The following PLPPR1 variants were observed in gnomAD, a reference collection of about 807,000 sequenced individuals.
PLPPR1 encodes the protein phospholipid phosphatase related 1.
Under a neutral mutation model 33.1 loss-of-function variants are expected in PLPPR1, and 10 were observed. The ratio of observed to expected loss-of-function variants is 0.30; its 90% CI spans 0.19 to 0.51. PLPPR1 has a LOEUF of 0.51. Among genes scored for constraint, PLPPR1 ranks in the 20% least tolerant of loss-of-function variants. PLPPR1 has a pLI of 0.97. For synonymous variants in PLPPR1, 151 were observed against 151.0 expected (o/e 1.00, Z 0.00); for missense variants, 304 against 408.1 (o/e 0.74, Z 2.20).
intron 1 of PLPPR1, among the ~76,000 whole-genome samples, chr9:101,049,841 A>G (rs907582621): frequency 1.3e-5 from 2 of 151,884 alleles, no homozygotes; most frequent in African/African-American, 4.8e-5. Context: ...AAAAAAAAGT[A>G]TAGGCCATGC....
At chr9:101,194,012 G>A (rs1257493652) in intron 2 of PLPPR1, among the ~76,000 whole-genome samples, 2 of 152,154 alleles carry the variant, frequency 1.3e-5, no homozygotes, top group African/African-American at 4.8e-5. Context: ...CCTCCTTTAA[G>A]AGCTTAAAGA....
chr9:101,254,053 A>G (rs1176611820), intron 2 of PLPPR1, among the ~76,000 whole-genome samples: 1 of 152,068 alleles, frequency 6.6e-6, no homozygotes, highest in East Asian at 1.9e-4. Context: ...GCAGTCCCCA[A>G]CATTTTTGGC....
intron 2 of PLPPR1, among the ~76,000 whole-genome samples, chr9:101,235,779 C>G (rs931636333): frequency 6.6e-6 from 1 of 151,780 alleles, no homozygotes; most frequent in African/African-American, 2.4e-5. Flanking sequence ...CACCAGCTTC[C>G]TCTGAAAAAG....
chr9:101,181,587 A>G (rs548765687), intron 1 of PLPPR1, among the ~76,000 whole-genome samples: 26 of 149,836 alleles, frequency 1.7e-4, no homozygotes, highest in African/African-American at 6.4e-4. Context: ...CAATGAATGG[A>G]TAAAGAAATT....
chr9:101,069,622 G>A lies in PLPPR1; in HGVS notation c.-46+40520G>A, dbSNP rs75427417. Among the ~76,000 whole-genome samples the A allele has an allele frequency of 0.016, 2,394 of 152,230 alleles. 133 individuals carry two copies. The South Asian group carries it at 0.19, about 12-fold the overall frequency. The stretch of plus-strand genomic sequence containing the variant: ...CACTCTCAGAATTTTGGATTTGACT[G>A]ATCTGGGTGGAGTATTGTTGGTGGG... On this transcript the variant is annotated intron_variant, in intron 1 of 7. Transcript: ENST00000374874.
intron 4 of PLPPR1, among the ~76,000 whole-genome samples, chr9:101,301,838 T>C (rs1828758951): frequency 2.0e-5 from 3 of 152,214 alleles, no homozygotes; most frequent in African/African-American, 7.2e-5. Flanking sequence ...TTTTGGAAAA[T>C]TGACTACAAA....
chr9:101,249,948 C>T (rs924672504), intron 2 of PLPPR1, among the ~76,000 whole-genome samples: 7 of 152,014 alleles, frequency 4.6e-5, no homozygotes, highest in East Asian at 1.9e-4. Flanking sequence ...TCTACATTGT[C>T]GTCCACACCC....
chr9:101,029,511 C>A (rs1587998943), intron 1 of PLPPR1, among the ~76,000 whole-genome samples: 1 of 152,190 alleles, frequency 6.6e-6, no homozygotes, highest in African/African-American at 2.4e-5. Context: ...CCAAGTCCTC[C>A]CACCCGGGCG....
In PLPPR1 at chr9:101,314,764, AT is replaced by A. The variant is rs202233526; in HGVS notation, c.813+1791del. The stretch of plus-strand genomic sequence containing the variant: ...AAGCTTCAATTTAAAAAAAAAAAAA[AT>A]ATCTGCAACATGCAATAAAGTGAAG... On this transcript the variant is annotated intron_variant, in intron 6 of 7. Coordinates refer to ENST00000374874, the MANE Select transcript of PLPPR1 (RefSeq NM_207299.2). Among the ~76,000 whole-genome samples the A allele has an allele frequency of 9.7e-3, 1,462 of 150,446 alleles. 24 individuals are homozygous for A. The highest frequency in any genetic ancestry group is 0.033 in the African/African-American group (1,362 of 40,902).
chr9:101,214,441 C>T (rs886338952), intron 2 of PLPPR1, among the ~76,000 whole-genome samples: 1 of 152,168 alleles, frequency 6.6e-6, no homozygotes, highest in Non-Finnish European at 1.5e-5. Context: ...CACATATACA[C>T]ACACGTGAAT....
chr9:101,292,858 T>A (rs912215858), intron 4 of PLPPR1, among the ~76,000 whole-genome samples: 3 of 151,736 alleles, frequency 2.0e-5, no homozygotes, highest in African/African-American at 4.9e-5. Context: ...TCATGCCAAA[T>A]TGTAAAGACC....
chr9:101,134,839 C>G (rs1831359039), intron 1 of PLPPR1, among the ~76,000 whole-genome samples: 1 of 152,130 alleles, frequency 6.6e-6, no homozygotes, highest in African/African-American at 2.4e-5. Flanking sequence ...TGGTACGGAG[C>G]AGCAGATGAA....
intron 3 of PLPPR1, among the ~76,000 whole-genome samples, chr9:101,273,639 A>G (rs1446708406): frequency 6.6e-6 from 1 of 152,252 alleles, no homozygotes; most frequent in Non-Finnish European, 1.5e-5. Context: ...GGATGTTGCA[A>G]GTATAATCCC....
intron 2 of PLPPR1, among the ~76,000 whole-genome samples, chr9:101,261,026 G>T (rs1329089): frequency 0.33 from 49,548 of 151,984 alleles, 8,166 homozygotes; most frequent in Admixed American, 0.36. Context: ...AAGAAAAAGA[G>T]CTGAGTACTT....
chr9:101,185,539 G>T lies in PLPPR1; in HGVS notation c.45G>T (p.Pro15=). 6.2e-7 allele frequency: 1 copy of T among 1,608,108 alleles called. No homozygotes were observed. The highest frequency in any genetic ancestry group is 8.5e-7 in the Non-Finnish European group (1 of 1,176,058). The change falls in exon 2 of 8, where the codon CCG becomes CCT. Residue 15 remains proline, a synonymous_variant. Coordinates refer to ENST00000374874, the MANE Select transcript of PLPPR1 (RefSeq NM_207299.2). ...CTCAACGAAGTTATTCCATCATCCCGTGTTTTATATTTGTTGAGGTATGTG... is the reference window on the plus strand; with the variant it reads ...CTCAACGAAGTTATTCCATCATCCCTTGTTTTATATTTGTTGAGGTATGTG... ...NNTQRSYSII[P]CFIFVELVIM...
chr9:101,300,370 G>T (rs1405281758), intron 4 of PLPPR1, among the ~76,000 whole-genome samples: 4 of 151,958 alleles, frequency 2.6e-5, no homozygotes, highest in Non-Finnish European at 5.9e-5. Flanking sequence ...GCAGAGACAG[G>T]GTCTCCCTAT....
intron 1 of PLPPR1, among the ~76,000 whole-genome samples, chr9:101,127,255 C>T (rs1298820071): frequency 6.6e-6 from 1 of 152,238 alleles, no homozygotes; most frequent in Non-Finnish European, 1.5e-5. Flanking sequence ...GTCTTTGTCA[C>T]CCCATGTTGG....
chr9:101,112,314 A>G (rs1011754709), intron 1 of PLPPR1, among the ~76,000 whole-genome samples: 2 of 152,226 alleles, frequency 1.3e-5, no homozygotes, highest in Admixed American at 1.3e-4. Flanking sequence ...ATAGAATTAA[A>G]AAGTGAGTAC....
chr9:101,311,570 A>G (rs1344258473), intron 5 of PLPPR1, among the ~76,000 whole-genome samples: 1 of 152,330 alleles, frequency 6.6e-6, no homozygotes, highest in East Asian at 1.9e-4. Context: ...GGTTTTAAGT[A>G]ACATTTACCA....
Sources: allele counts gnomAD v4.1 joint callset (sites outside exome capture counted in the v4.1 genomes callset), GRCh38; gene constraint gnomAD v4.1.1; transcripts MANE v1.5; gene names NCBI Gene and HGNC (gene_info 2026-07-23, HGNC 2026-07-21).